Variants in EYS observed in about 807,000 individuals in gnomAD.
The protein encoded by EYS is EGF-like photoreceptor maintenance factor.
EYS carries 250 observed loss-of-function variants against 282.1 expected under a neutral mutation model. That is an observed-to-expected ratio of 0.89 (90% CI 0.80 to 0.98). The LOEUF (loss-of-function observed/expected upper bound fraction) is 0.98, where lower values mean the gene tolerates loss of function less well. Among genes scored for constraint, EYS ranks in the 50% least tolerant of loss-of-function variants. The pLI is 0.00. For missense variants in EYS, 4,016 were observed against 3,709.0 expected, an observed-to-expected ratio of 1.08 and a Z score of -2.15; for synonymous variants, 1,355 against 1,282.9, an observed-to-expected ratio of 1.06 and a Z score of -1.20.
At chr6:63,968,036 T>C (rs562800731) in intron 35 of EYS, among the ~76,000 whole-genome samples, 1 of 152,342 alleles carries the variant, frequency 6.6e-6, no homozygotes, top group East Asian at 1.9e-4. Flanking sequence ...TTATGTGAGA[T>C]TGTACTGTCA....
intron 36 of EYS, among the ~76,000 whole-genome samples, chr6:63,858,942 C>T (rs577107846): frequency 2.0e-5 from 3 of 152,066 alleles, no homozygotes; most frequent in Non-Finnish European, 2.9e-5. Context: ...GGTGATTATT[C>T]GTGTCCCTGG....
chr6:65,434,378 T>C (rs1337054241), intron 5 of EYS, among the ~76,000 whole-genome samples: 7 of 151,054 alleles, frequency 4.6e-5, no homozygotes, highest in Non-Finnish European at 1.0e-4. Flanking sequence ...TGGAGTGCAG[T>C]GGTGCAATCT....
intron 33 of EYS, among the ~76,000 whole-genome samples, chr6:64,028,055 A>C (rs964660940): frequency 6.6e-6 from 1 of 152,176 alleles, no homozygotes; most frequent in African/African-American, 2.4e-5. Flanking sequence ...TGCTCTTTTC[A>C]CATGCCTTTC....
At position 65,401,059 on chromosome 6, in the gene EYS, A is replaced by C. The variant is rs189133153; in HGVS notation, c.1184+1419T>G. On this transcript the variant is annotated intron_variant, in intron 7 of 42. Coordinates refer to ENST00000503581, the MANE Select transcript of EYS (RefSeq NM_001142800.2). ...TATTAAATTATAAACACTAGAGACA[A>C]GGAACAACCATTTGTACTTTAGCTC... 9.2e-5 allele frequency among the ~76,000 whole-genome samples: 14 copies of C among 152,086 alleles called. No homozygotes were observed. The East Asian group carries it at 2.7e-3, about 29-fold the overall frequency.
intron 14 of EYS, among the ~76,000 whole-genome samples, chr6:64,996,303 G>C (rs1771260625): frequency 6.6e-6 from 1 of 152,090 alleles, no homozygotes; most frequent in Non-Finnish European, 1.5e-5. Context: ...TATTTAAGTA[G>C]TTAATAGTGA....
intron 22 of EYS, among the ~76,000 whole-genome samples, chr6:64,776,080 A>G (rs1202599083): frequency 6.6e-6 from 1 of 152,100 alleles, no homozygotes. Flanking sequence ...CGGGCTGCTG[A>G]AAAACTAAAA....
At chr6:63,854,507 G>A (rs1772341576) in intron 36 of EYS, among the ~76,000 whole-genome samples, 1 of 151,872 alleles carries the variant, frequency 6.6e-6, no homozygotes, top group African/African-American at 2.4e-5. Context: ...AATGCAAGTG[G>A]GGCTTAAAAC....
At position 63,765,740 on chromosome 6, in the gene EYS, C is replaced by T. The variant is rs572377920; in HGVS notation, c.7899-3107G>A. 7.9e-5 allele frequency among the ~76,000 whole-genome samples: 12 copies of T among 152,042 alleles called. No individual in the cohort carries two copies. The East Asian group carries it at 2.3e-3, about 29-fold the overall frequency. On this transcript the variant is annotated intron_variant, in intron 40 of 42. Transcript: ENST00000503581. ...TTGTGCTATCCAATACTAGTCCTTG[C>T]TCATTCATTCTCACTAGTTTTTTGT...
At chr6:64,419,131 G>C (rs1238975729) in intron 28 of EYS, among the ~76,000 whole-genome samples, 2 of 152,088 alleles carry the variant, frequency 1.3e-5, no homozygotes, top group East Asian at 3.9e-4. Context: ...CTCTATAGAC[G>C]ATCATAAGTA....
intron 2 of EYS, among the ~76,000 whole-genome samples, chr6:65,512,194 A>G (rs924356770): frequency 1.3e-5 from 2 of 152,028 alleles, no homozygotes; most frequent in Non-Finnish European, 2.9e-5. Flanking sequence ...TCCTCTTAGT[A>G]TAAAAATTAC....
intron 33 of EYS, among the ~76,000 whole-genome samples, chr6:64,019,813 TGTATATATAA>T (rs1274906923): frequency 6.9e-6 from 1 of 145,916 alleles, no homozygotes; most frequent in Admixed American, 6.9e-5. Context: ...GATTAGAATG[TGTATATATAA>T]GTATATATAT....
At chr6:65,078,969 C>G (rs917512755) in intron 12 of EYS, among the ~76,000 whole-genome samples, 3 of 151,602 alleles carry the variant, frequency 2.0e-5, no homozygotes, top group African/African-American at 7.3e-5. Context: ...CTGCCATGAG[C>G]AAAAGCTTCA....
chr6:64,981,550 C>T (rs1770665919), intron 14 of EYS, among the ~76,000 whole-genome samples: 3 of 151,166 alleles, frequency 2.0e-5, no homozygotes, highest in Non-Finnish European at 1.5e-5. Context: ...CTTACTATAC[C>T]CATATATTTT....
At chr6:65,353,377 G>T (rs752584858) in intron 9 of EYS, 81 bp downstream of exon 9, 67 of 1,169,976 alleles carry the variant, frequency 5.7e-5, no homozygotes, top group Non-Finnish European at 7.9e-5. Flanking sequence ...AAAATACTTT[G>T]TGTGTTTAGA....
intron 31 of EYS, among the ~76,000 whole-genome samples, chr6:64,102,851 C>CT (rs796358699): frequency 5.3e-5 from 8 of 152,046 alleles, no homozygotes; most frequent in South Asian, 2.1e-4. Flanking sequence ...TAATGATGTT[C>CT]TTTTTTTAGC....
chr6:64,895,838 C>T (rs1358490627), intron 18 of EYS, among the ~76,000 whole-genome samples: 1 of 151,890 alleles, frequency 6.6e-6, no homozygotes, highest in Non-Finnish European at 1.5e-5. Flanking sequence ...ATACCTGATG[C>T]ATCTACATAT....
At chr6:65,158,690 T>G (rs968548806) in intron 12 of EYS, among the ~76,000 whole-genome samples, 14 of 150,926 alleles carry the variant, frequency 9.3e-5, no homozygotes, top group Admixed American at 2.0e-4. Context: ...ATAACCTGGG[T>G]ATCTCTAAAT....
chr6:64,584,505 T>C (rs1766171403), intron 26 of EYS, among the ~76,000 whole-genome samples: 1 of 151,962 alleles, frequency 6.6e-6, no homozygotes, highest in Non-Finnish European at 1.5e-5. Context: ...AGAAAGATGG[T>C]GACAACTTAC....
At chr6:64,299,545 G>A (rs1353178108) in intron 30 of EYS, among the ~76,000 whole-genome samples, 1 of 152,188 alleles carries the variant, frequency 6.6e-6, no homozygotes, top group East Asian at 1.9e-4. Context: ...GAAAAGGACT[G>A]TGCAGTCAGT....
Sources: gnomAD v4.1 joint callset for allele counts (sites outside exome capture counted in the v4.1 genomes callset) on GRCh38, gnomAD v4.1.1 for gene constraint, MANE v1.5 for transcripts, NCBI Gene and HGNC (gene_info 2026-07-23, HGNC 2026-07-21) for gene names.